Variants in SCHIP1 observed in about 807,000 individuals in gnomAD.
SCHIP1 encodes schwannomin-interacting protein 1.
A neutral mutation model predicts 29.7 loss-of-function variants in SCHIP1; 8 were observed. The observed-to-expected ratio is 0.27, with a 90% CI of 0.16 to 0.49. The LOEUF (loss-of-function observed/expected upper bound fraction) is 0.49. SCHIP1 is among the 20% of genes least tolerant of loss of function. The pLI, the probability that SCHIP1 is intolerant of heterozygous loss-of-function variation, is 0.99. For missense variants in SCHIP1, 193 were observed against 294.6 expected (o/e 0.66, Z 2.52); for synonymous variants, 76 against 94.9 (o/e 0.80, Z 1.16).
the SCHIP1 span, among the ~76,000 whole-genome samples, chr3:159,530,767 C>T: frequency 6.6e-6 from 1 of 152,158 alleles, no homozygotes; most frequent in African/African-American, 2.4e-5. Context: ...CATGTGTATG[C>T]CCTGACAAGG....
the SCHIP1 span, among the ~76,000 whole-genome samples, chr3:159,458,873 A>C: frequency 6.6e-6 from 1 of 152,174 alleles, no homozygotes; most frequent in Non-Finnish European, 1.5e-5. Context: ...GGAGCTACAT[A>C]TTTGCTAGAA....
chr3:159,464,873 A>C, the SCHIP1 span, among the ~76,000 whole-genome samples: 1 of 152,194 alleles, frequency 6.6e-6, no homozygotes, highest in Non-Finnish European at 1.5e-5. Context: ...ATACTAGAAT[A>C]GACATATGAC....
chr3:159,802,768 A>G, the SCHIP1 span, among the ~76,000 whole-genome samples: 2 of 152,234 alleles, frequency 1.3e-5, no homozygotes, highest in Non-Finnish European at 2.9e-5. Flanking sequence ...GGTGTAAGTG[A>G]CAGAAAATCT....
the SCHIP1 span, among the ~76,000 whole-genome samples, chr3:159,397,473 T>A: frequency 6.6e-6 from 1 of 152,230 alleles, no homozygotes; most frequent in African/African-American, 2.4e-5. Context: ...TGGTCTTTGA[T>A]GATGGTGATG....
the SCHIP1 span, among the ~76,000 whole-genome samples, chr3:159,644,801 T>C: frequency 6.6e-6 from 1 of 152,174 alleles, no homozygotes; most frequent in African/African-American, 2.4e-5. Context: ...ATAAGCATTC[T>C]GCAACGTGGG....
At chr3:159,469,535 C>T in the SCHIP1 span, among the ~76,000 whole-genome samples, 1 of 152,066 alleles carries the variant, frequency 6.6e-6, no homozygotes, top group Non-Finnish European at 1.5e-5. Context: ...ACTCATTCAA[C>T]AAGTATTCAT....
chr3:159,766,052 G>T, the SCHIP1 span, among the ~76,000 whole-genome samples: 11,651 of 152,206 alleles, frequency 0.077, 1,455 homozygotes, highest in African/African-American at 0.26. Context: ...CCATCATGAA[G>T]GTAGCTCCCC....
At chr3:159,827,376 T>A in the SCHIP1 span, among the ~76,000 whole-genome samples, 1 of 152,208 alleles carries the variant, frequency 6.6e-6, no homozygotes, top group African/African-American at 2.4e-5. Context: ...CTTGACAAAT[T>A]TAATAGCTCC....
the SCHIP1 span, among the ~76,000 whole-genome samples, chr3:159,821,981 G>A: frequency 6.6e-6 from 1 of 152,236 alleles, no homozygotes; most frequent in Non-Finnish European, 1.5e-5. Flanking sequence ...TCCTGCATGG[G>A]ACAGAGCAGG....
chr3:159,790,386 T>C, the SCHIP1 span, among the ~76,000 whole-genome samples: 1 of 152,252 alleles, frequency 6.6e-6, no homozygotes, highest in Non-Finnish European at 1.5e-5. Flanking sequence ...GAAGTTACAA[T>C]CTTTCTGTAA....
the SCHIP1 span, among the ~76,000 whole-genome samples, chr3:159,668,749 A>G: frequency 2.0e-5 from 3 of 152,158 alleles, no homozygotes; most frequent in Non-Finnish European, 2.9e-5. Flanking sequence ...AATTTTCTAG[A>G]AGTGCTTTCC....
the SCHIP1 span, among the ~76,000 whole-genome samples, chr3:159,291,861 T>C: frequency 1.3e-5 from 2 of 151,932 alleles, no homozygotes; most frequent in Non-Finnish European, 2.9e-5. Context: ...GGTTCTTCAA[T>C]AAATCAATGG....
At chr3:159,795,309 G>C in the SCHIP1 span, among the ~76,000 whole-genome samples, 3 of 152,196 alleles carry the variant, frequency 2.0e-5, no homozygotes, top group Non-Finnish European at 4.4e-5. Context: ...ATGTGGGCAT[G>C]AGCCAGACTG....
chr3:159,759,401 G>T, the SCHIP1 span, among the ~76,000 whole-genome samples: 165 of 152,298 alleles, frequency 1.1e-3, no homozygotes, highest in African/African-American at 3.9e-3. Context: ...AACAAGGAAG[G>T]TGATGAAAAG....
chr3:159,281,985 A>G, the SCHIP1 span, among the ~76,000 whole-genome samples: 1 of 152,064 alleles, frequency 6.6e-6, no homozygotes. Flanking sequence ...CTGTGCTTTT[A>G]AAAACTTAAT....
At chr3:159,725,781 G>A in the SCHIP1 span, among the ~76,000 whole-genome samples, 1 of 152,168 alleles carries the variant, frequency 6.6e-6, no homozygotes, top group African/African-American at 2.4e-5. Flanking sequence ...TCACAGGAAA[G>A]AAACAAATTG....
the SCHIP1 span, among the ~76,000 whole-genome samples, chr3:159,681,981 T>G: frequency 3.9e-5 from 6 of 152,332 alleles, no homozygotes; most frequent in African/African-American, 1.4e-4. Flanking sequence ...TTAACTCAAC[T>G]TAACTTGGAT....
At chr3:159,294,097 A>G in the SCHIP1 span, among the ~76,000 whole-genome samples, 4 of 152,154 alleles carry the variant, frequency 2.6e-5, no homozygotes, top group Non-Finnish European at 5.9e-5. Flanking sequence ...TAACCACTCT[A>G]GGACTCTGCT....
At chr3:159,843,252 A>C (rs1395158125) in intron 1 of SCHIP1, among the ~76,000 whole-genome samples, 5 of 151,636 alleles carry the variant, frequency 3.3e-5, no homozygotes, top group African/African-American at 9.7e-5. Flanking sequence ...ACCTCAGGTG[A>C]TCTGCCCGCC....
Sources: gnomAD v4.1 joint callset for allele counts (sites outside exome capture counted in the v4.1 genomes callset) on GRCh38, gnomAD v4.1.1 for gene constraint, MANE v1.5 for transcripts, NCBI Gene and HGNC (gene_info 2026-07-23, HGNC 2026-07-21) for gene names.